GRM5: variants seen among roughly 807,000 people sequenced by gnomAD.
The protein encoded by GRM5 is metabotropic glutamate receptor 5.
Under a neutral mutation model 83.1 loss-of-function variants are expected in GRM5, and 19 were observed. The observed-to-expected ratio is 0.23, with a 90% CI of 0.16 to 0.34. GRM5 has a LOEUF of 0.34. Ranked by LOEUF, GRM5 falls within the 10% of genes least tolerant of loss-of-function variation. GRM5 has a pLI of 1.00. For synonymous variants in GRM5, 675 were observed against 633.6 expected (o/e 1.07, Z -0.98); for missense variants, 1,160 against 1,588.3 (o/e 0.73, Z 4.58).
intron 3 of GRM5, among the ~76,000 whole-genome samples, chr11:88,655,171 A>C (rs16914447): frequency 1.3e-5 from 2 of 152,192 alleles, no homozygotes; most frequent in South Asian, 4.1e-4. Context: ...TTTTGTCCCA[A>C]TGTTGAATTT....
chr11:88,897,694 T>C (rs762016470), intron 2 of GRM5, among the ~76,000 whole-genome samples: 2 of 151,906 alleles, frequency 1.3e-5, no homozygotes, highest in African/African-American at 2.4e-5. Context: ...AAAGACCACC[T>C]GAAAATATAT....
At chr11:88,605,891 G>A (rs1938129411) in intron 4 of GRM5, among the ~76,000 whole-genome samples, 1 of 152,178 alleles carries the variant, frequency 6.6e-6, no homozygotes, top group Non-Finnish European at 1.5e-5. Context: ...TGCTGAACAA[G>A]AAAGAAGTGA....
At chr11:88,744,046 T>C (rs6483414) in intron 3 of GRM5, among the ~76,000 whole-genome samples, 96,138 of 152,036 alleles carry the variant, frequency 0.63, 31,083 homozygotes, top group South Asian at 0.86. Context: ...GTAAGAAGCA[T>C]ACTAGTAAGG....
chr11:88,509,333 GCCAGCGCCAGCGC>G lies in GRM5; in HGVS notation c.2885_2897del (p.Gly962AlafsTer60), dbSNP rs1281435552. 1 of 1,600,726 alleles carries G rather than the reference GCCAGCGCCAGCGC, an allele frequency of 6.2e-7. No homozygotes were observed. The highest frequency in any genetic ancestry group is 2.3e-5 in the East Asian group (1 of 43,514). On this transcript the variant is annotated frameshift_variant, in exon 10 of 10. Transcript: ENST00000305447. LOFTEE classifies it low-confidence loss of function (END_TRUNC). ...CCACGCCCCCAGCGCTCCCGCCTGC[GCCAGCGCCAGCGC>G]CCAGGCCACGGCTCTCCGTGCTCTT...
chr11:88,694,577 T>A (rs1378907569), intron 3 of GRM5, among the ~76,000 whole-genome samples: 2 of 151,180 alleles, frequency 1.3e-5, no homozygotes, highest in Non-Finnish European at 2.9e-5. Flanking sequence ...AACGAGAGCA[T>A]GCCAATGAGC....
chr11:89,014,705 A>G (rs1258733218), intron 2 of GRM5, among the ~76,000 whole-genome samples: 1 of 152,192 alleles, frequency 6.6e-6, no homozygotes, highest in African/African-American at 2.4e-5. Flanking sequence ...CTCAAAGGAT[A>G]AATGTTTGAT....
chr11:88,725,652 G>A (rs1197872893), intron 3 of GRM5, among the ~76,000 whole-genome samples: 3 of 152,130 alleles, frequency 2.0e-5, no homozygotes, highest in African/African-American at 7.2e-5. Flanking sequence ...CTGGCATCTG[G>A]TGGGTACCCC....
intron 4 of GRM5, among the ~76,000 whole-genome samples, chr11:88,652,355 G>A (rs757689183): frequency 3.3e-5 from 5 of 151,986 alleles, no homozygotes; most frequent in Non-Finnish European, 5.9e-5. Context: ...ATAGACAGAT[G>A]ATATAGATAG....
intron 1 of GRM5, among the ~76,000 whole-genome samples, chr11:89,052,330 C>T (rs1941778287): frequency 6.6e-6 from 1 of 152,098 alleles, no homozygotes; most frequent in Non-Finnish European, 1.5e-5. Flanking sequence ...AAAATAAGCT[C>T]TGCTGAGGGG....
chr11:88,885,663 C>T (rs1159187038), intron 2 of GRM5, among the ~76,000 whole-genome samples: 1 of 151,478 alleles, frequency 6.6e-6, no homozygotes. Flanking sequence ...AGGCAATATG[C>T]AGTTCTCATA....
At position 88,745,425 on chromosome 11, in the gene GRM5, TAAACTCCTGA is replaced by T. The variant is rs1208109506; in HGVS notation, c.912-92032_912-92023del. ...TTCACCATTGTTCCCAGGCTGGTCTTAAACTCCTGAGATCAAGCTATCCACCTGTCTCAGC... is the reference window on the plus strand; with the variant it reads ...TTCACCATTGTTCCCAGGCTGGTCTTGATCAAGCTATCCACCTGTCTCAGC... On this transcript the variant is annotated intron_variant, in intron 3 of 9. Transcript: ENST00000305447. 5.3e-5 allele frequency among the ~76,000 whole-genome samples: 8 copies of T among 152,040 alleles called. No individual in the cohort carries two copies. The East Asian group carries it at 1.4e-3, about 26-fold the overall frequency.
chr11:88,999,303 C>T (rs1456567080), intron 2 of GRM5, among the ~76,000 whole-genome samples: 5 of 152,132 alleles, frequency 3.3e-5, no homozygotes, highest in Non-Finnish European at 5.9e-5. Context: ...GAACAGGCAA[C>T]CTACAGAATG....
At chr11:88,517,133 ACACACAC>A (rs1941542425) in intron 9 of GRM5, among the ~76,000 whole-genome samples, 1 of 62,152 alleles carries the variant, frequency 1.6e-5, no homozygotes, top group Admixed American at 1.6e-4. Flanking sequence ...TTCTGTACAC[ACACACAC>A]ACACACACAC....
chr11:88,970,838 G>A (rs972496751), intron 2 of GRM5, among the ~76,000 whole-genome samples: 31 of 152,194 alleles, frequency 2.0e-4, no homozygotes, highest in African/African-American at 6.0e-4. Context: ...GCCCAGCTAT[G>A]AGCCAGCATA....
Position 88,590,820 on chromosome 11 carries a change from G to C in GRM5, c.1564-93C>G. The stretch of plus-strand genomic sequence containing the variant: ...ATGTGCTGTTTTGCAAAGCAGAAAG[G>C]CCTTTCACATACATTATTTTAAATG... On this transcript the variant is annotated intron_variant, in intron 6 of 9. Coordinates refer to ENST00000305447, the MANE Select transcript of GRM5 (RefSeq NM_001143831.3). 5 of 796,598 alleles carry C rather than the reference G, an allele frequency of 6.3e-6. No individual in the cohort carries two copies. The Admixed American group carries it at 6.6e-5, about 10-fold the overall frequency. 49.3% of individuals were successfully genotyped at this position (796,598 alleles called of 1,614,324 possible). A position where few individuals can be genotyped will look rare whatever the true frequency, so the allele number is the denominator to read the frequency against.
chr11:88,755,662 C>A (rs1377252905), intron 3 of GRM5, among the ~76,000 whole-genome samples: 1 of 152,092 alleles, frequency 6.6e-6, no homozygotes, highest in Non-Finnish European at 1.5e-5. Context: ...AGAGACACAG[C>A]AAATTTTTTC....
At chr11:89,038,288 A>T (rs796827517) in intron 2 of GRM5, among the ~76,000 whole-genome samples, 24 of 152,282 alleles carry the variant, frequency 1.6e-4, no homozygotes, top group African/African-American at 5.5e-4. Context: ...TCAATTCAAC[A>T]TTTGAATGTT....
At chr11:88,617,206 C>T (rs1432172214) in intron 4 of GRM5, among the ~76,000 whole-genome samples, 1 of 152,118 alleles carries the variant, frequency 6.6e-6, no homozygotes, top group Non-Finnish European at 1.5e-5. Context: ...TGTATTTTTA[C>T]CATCTAATAA....
intron 2 of GRM5, among the ~76,000 whole-genome samples, chr11:88,866,816 C>T (rs1590924521): frequency 1.3e-5 from 2 of 152,048 alleles, no homozygotes; most frequent in Non-Finnish European, 2.9e-5. Context: ...CCTAGGTTTT[C>T]GTCTAGAGTT....
Sources: allele counts gnomAD v4.1 joint callset (sites outside exome capture counted in the v4.1 genomes callset), GRCh38; gene constraint gnomAD v4.1.1; transcripts MANE v1.5; gene names NCBI Gene and HGNC (gene_info 2026-07-23, HGNC 2026-07-21).